EPC2: variants seen among roughly 807,000 people sequenced by gnomAD.
The protein encoded by EPC2 is enhancer of polycomb homolog 2.
A neutral mutation model predicts 92.1 loss-of-function variants in EPC2; 14 were observed. The observed-to-expected ratio is 0.15, with a 90% CI of 0.10 to 0.24. The LOEUF is 0.24. Ranked by LOEUF, EPC2 falls within the 10% of genes least tolerant of loss-of-function variation. The pLI, the probability that EPC2 is intolerant of heterozygous loss-of-function variation, is 1.00. For synonymous variants in EPC2, 340 were observed against 334.7 expected, an observed-to-expected ratio of 1.02 and a Z score of -0.17; for missense variants, 755 against 971.5, an observed-to-expected ratio of 0.78 and a Z score of 2.96.
chr2:148,674,013 T>C (rs1193272636), intron 1 of EPC2, among the ~76,000 whole-genome samples: 5 of 152,238 alleles, frequency 3.3e-5, no homozygotes, highest in Admixed American at 6.5e-5. Flanking sequence ...TTTAGTTTCT[T>C]GCTTTATTGG....
chr2:148,663,156 A>T (rs1323190451), intron 1 of EPC2, among the ~76,000 whole-genome samples: 1 of 150,158 alleles, frequency 6.7e-6, no homozygotes, highest in South Asian at 2.1e-4. Context: ...CAGTTGATAC[A>T]TGGGACAGAT....
intron 2 of EPC2, among the ~76,000 whole-genome samples, chr2:148,709,826 C>T (rs561071824): frequency 6.6e-6 from 1 of 152,292 alleles, no homozygotes; most frequent in Non-Finnish European, 1.5e-5. Context: ...CCCTTCCTTA[C>T]ATCTTATACA....
chr2:148,710,391 A>G (rs888918306), intron 2 of EPC2, among the ~76,000 whole-genome samples: 1 of 152,244 alleles, frequency 6.6e-6, no homozygotes, highest in Admixed American at 6.5e-5. Context: ...ACACTTTTAC[A>G]CTGTTGGTGG....
intron 1 of EPC2, among the ~76,000 whole-genome samples, chr2:148,674,881 T>TG (rs1198758482): frequency 6.6e-6 from 1 of 152,204 alleles, no homozygotes; most frequent in Admixed American, 6.5e-5. Flanking sequence ...GAATGAGGTA[T>TG]GGGGCTTACT....
chr2:148,729,144 G>A (rs1682566522), intron 2 of EPC2, among the ~76,000 whole-genome samples: 1 of 149,842 alleles, frequency 6.7e-6, no homozygotes, highest in Non-Finnish European at 1.5e-5. Context: ...GAATTTCATA[G>A]AGATGTGATG....
intron 6 of EPC2, among the ~76,000 whole-genome samples, 198 bp from the exon 7 acceptor site, chr2:148,764,757 A>G (rs1045387275): frequency 1.4e-5 from 2 of 147,334 alleles, no homozygotes; most frequent in Admixed American, 6.7e-5. Flanking sequence ...TTTAAATACC[A>G]TAATTATTTT....
chr2:148,759,424 T>C (rs533010885), intron 4 of EPC2, among the ~76,000 whole-genome samples: 1 of 152,198 alleles, frequency 6.6e-6, no homozygotes, highest in African/African-American at 2.4e-5. Context: ...AAAGTTATTA[T>C]CTTACTGATG....
chr2:148,670,092 CTG>C (rs933672505), intron 1 of EPC2, among the ~76,000 whole-genome samples: 6 of 152,250 alleles, frequency 3.9e-5, no homozygotes, highest in African/African-American at 1.2e-4. Context: ...CTTCTGAACT[CTG>C]TCTCAACTCA....
chr2:148,779,644 T>G (rs1683711225), intron 10 of EPC2, among the ~76,000 whole-genome samples: 1 of 152,236 alleles, frequency 6.6e-6, no homozygotes, highest in African/African-American at 2.4e-5. Context: ...TAAGATTTTA[T>G]CAACTGACTT....
At chr2:148,762,565 G>A (rs1683323959) in intron 5 of EPC2, 105 bp from the exon 6 acceptor site, 2 of 731,056 alleles carry the variant, frequency 2.7e-6, no homozygotes, top group Non-Finnish European at 2.1e-6. Context: ...TTGATTGTTA[G>A]CCCTTTTTGA....
chr2:148,672,658 G>T (rs1452174244), intron 1 of EPC2, among the ~76,000 whole-genome samples: 1 of 151,978 alleles, frequency 6.6e-6, no homozygotes, highest in African/African-American at 2.4e-5. Context: ...TTTGTGTTTT[G>T]TATGCATTAA....
chr2:148,651,027 A>G (rs1680672628), intron 1 of EPC2, among the ~76,000 whole-genome samples: 1 of 152,192 alleles, frequency 6.6e-6, no homozygotes, highest in Admixed American at 6.5e-5. Flanking sequence ...CAGGGTTAAG[A>G]CAACCTGACA....
chr2:148,663,218 TTATTA>T (rs1680978223), intron 1 of EPC2, among the ~76,000 whole-genome samples: 1 of 146,800 alleles, frequency 6.8e-6, no homozygotes, highest in Admixed American at 6.8e-5. Context: ...ATTATTATTA[TTATTA>T]TTATTATTAT....
At chr2:148,739,320 C>CTA in intron 2 of EPC2, among the ~76,000 whole-genome samples, 1 of 152,204 alleles carries the variant, frequency 6.6e-6, no homozygotes, top group South Asian at 2.1e-4. Context: ...GAATTGCATG[C>CTA]TACTCATTTT....
chr2:148,783,440 G>A (rs1227306906), intron 11 of EPC2, among the ~76,000 whole-genome samples, 157 bp from the exon 12 acceptor site: 1 of 152,092 alleles, frequency 6.6e-6, no homozygotes, highest in Non-Finnish European at 1.5e-5. Flanking sequence ...TGCTTCATAT[G>A]CCAAAAATCA....
chr2:148,686,676 G>A (rs1458627990), intron 1 of EPC2, among the ~76,000 whole-genome samples: 1 of 152,178 alleles, frequency 6.6e-6, no homozygotes, highest in Non-Finnish European at 1.5e-5. Context: ...TGTTGTCTTA[G>A]CAGGCATGAA....
chr2:148,774,892 CCTGA>C (rs1293696867), intron 10 of EPC2, among the ~76,000 whole-genome samples: 2 of 151,238 alleles, frequency 1.3e-5, no homozygotes, highest in African/African-American at 4.8e-5. Flanking sequence ...TTGAGACCAT[CCTGA>C]CTAACACGAT....
At chr2:148,736,891 G>A (rs1682768403) in intron 2 of EPC2, among the ~76,000 whole-genome samples, 1 of 151,654 alleles carries the variant, frequency 6.6e-6, no homozygotes, top group Non-Finnish European at 1.5e-5. Context: ...CTTCAGCCTA[G>A]GAGTTCAAAA....
At chr2:148,722,312 T>TC (rs1228636472) in intron 2 of EPC2, among the ~76,000 whole-genome samples, 1 of 152,114 alleles carries the variant, frequency 6.6e-6, no homozygotes, top group Non-Finnish European at 1.5e-5. Context: ...GTATTTCTCT[T>TC]CTCCTGCATG....
Sources: allele counts gnomAD v4.1 joint callset (sites outside exome capture counted in the v4.1 genomes callset), GRCh38; gene constraint gnomAD v4.1.1; transcripts MANE v1.5; gene names NCBI Gene and HGNC (gene_info 2026-07-23, HGNC 2026-07-21).